SNTB1: variants seen among roughly 807,000 people sequenced by gnomAD.
SNTB1 encodes the protein syntrophin beta 1.
SNTB1 carries 36 observed loss-of-function variants against 48.9 expected under a neutral mutation model. The ratio of observed to expected loss-of-function variants is 0.74; its 90% CI spans 0.56 to 0.97. SNTB1 has a LOEUF of 0.97. Among genes scored for constraint, SNTB1 ranks in the 50% least tolerant of loss-of-function variants. The probability of loss-of-function intolerance (pLI) is 0.00; values close to 1 mark genes in which losing one functional copy is unlikely to be tolerated. For missense variants in SNTB1, 786 were observed against 703.4 expected (o/e 1.12, Z -1.33); for synonymous variants, 299 against 294.6 (o/e 1.01, Z -0.15).
intron 6 of SNTB1, among the ~76,000 whole-genome samples, chr8:120,539,295 ACAGTATGAAG>A (rs60286203): frequency 0.45 from 67,742 of 151,628 alleles, 17,529 homozygotes; most frequent in African/African-American, 0.73. Flanking sequence ...TGGATTTGAC[ACAGTATGAAG>A]CAGTACTAAA....
At chr8:120,748,169 T>C (rs1819157419) in intron 1 of SNTB1, among the ~76,000 whole-genome samples, 1 of 152,200 alleles carries the variant, frequency 6.6e-6, no homozygotes, top group Non-Finnish European at 1.5e-5. Flanking sequence ...TTAGTTTGAC[T>C]CTACTCAAAT....
At chr8:120,756,785 G>A (rs560861696) in intron 1 of SNTB1, among the ~76,000 whole-genome samples, 6 of 152,192 alleles carry the variant, frequency 3.9e-5, no homozygotes, top group South Asian at 2.1e-4. Context: ...AAAACTGGAG[G>A]TAGAAAACAA....
At chr8:120,676,885 G>A (rs567240978) in intron 2 of SNTB1, among the ~76,000 whole-genome samples, 5 of 151,898 alleles carry the variant, frequency 3.3e-5, no homozygotes, top group Non-Finnish European at 5.9e-5. Context: ...GTGAGACCCT[G>A]TCTCTACTAC....
At chr8:120,643,980 A>G (rs1370599260) in intron 2 of SNTB1, among the ~76,000 whole-genome samples, 4 of 152,198 alleles carry the variant, frequency 2.6e-5, no homozygotes, top group African/African-American at 9.6e-5. Flanking sequence ...CCACTAGGAT[A>G]CAAGGAAGAG....
rs138857801 is a variant in SNTB1 at position 120,588,776 on chromosome 8, T to C, written c.997-13551A>G. 3.5e-4 allele frequency among the ~76,000 whole-genome samples: 54 copies of C among 152,332 alleles called. 2 individuals are homozygous for C. The highest frequency in any genetic ancestry group is 1.2e-3 in the African/African-American group (50 of 41,578). On this transcript the variant is annotated intron_variant, in intron 3 of 6. Coordinates refer to ENST00000517992, the MANE Select transcript of SNTB1 (RefSeq NM_021021.4). ...TTCAAGGGTATTTCTCAAAATTTCA[T>C]TGGTAGATTATCTGCTTCAGAATGA... is the stretch of plus-strand genomic sequence containing the variant.
intron 3 of SNTB1, among the ~76,000 whole-genome samples, chr8:120,581,054 A>G (rs1471385416): frequency 6.9e-6 from 1 of 145,962 alleles, no homozygotes; most frequent in Non-Finnish European, 1.5e-5. Context: ...GCACCACAAC[A>G]CTCCAGCCTG....
intron 1 of SNTB1, among the ~76,000 whole-genome samples, chr8:120,784,003 G>T (rs539937817): frequency 7.0e-4 from 106 of 151,494 alleles, no homozygotes; most frequent in South Asian, 2.7e-3. Flanking sequence ...GTTTTGTTTT[G>T]TTTTTTTTGA....
intron 3 of SNTB1, among the ~76,000 whole-genome samples, chr8:120,627,409 T>C (rs1284730646): frequency 6.6e-6 from 1 of 152,222 alleles, no homozygotes; most frequent in Non-Finnish European, 1.5e-5. Context: ...GACCTGTTCT[T>C]TGAAATTTTA....
At chr8:120,603,020 C>G (rs1352300139) in intron 3 of SNTB1, among the ~76,000 whole-genome samples, 1 of 151,964 alleles carries the variant, frequency 6.6e-6, no homozygotes, top group African/African-American at 2.4e-5. Context: ...CAATTATTCT[C>G]AGTTATTTTT....
intron 3 of SNTB1, among the ~76,000 whole-genome samples, chr8:120,580,360 G>T (rs912422018): frequency 6.6e-6 from 1 of 152,154 alleles, no homozygotes; most frequent in African/African-American, 2.4e-5. Flanking sequence ...TTACTTAAGT[G>T]CTCTAAGCAC....
intron 2 of SNTB1, among the ~76,000 whole-genome samples, chr8:120,664,465 T>C (rs945744669): frequency 2.0e-5 from 3 of 152,252 alleles, no homozygotes; most frequent in Non-Finnish European, 4.4e-5. Flanking sequence ...CAGTCCTTTC[T>C]CCATTTCTCT....
intron 3 of SNTB1, among the ~76,000 whole-genome samples, chr8:120,607,492 G>C (rs1290429045): frequency 1.3e-5 from 2 of 151,950 alleles, no homozygotes; most frequent in Non-Finnish European, 2.9e-5. Flanking sequence ...TGCCATGTTG[G>C]TGTGCTGCAC....
At chr8:120,732,524 A>C (rs755450049) in intron 1 of SNTB1, among the ~76,000 whole-genome samples, 2 of 152,236 alleles carry the variant, frequency 1.3e-5, no homozygotes, top group African/African-American at 2.4e-5. Context: ...GAACAAAGAA[A>C]TATTCTATAA....
chr8:120,544,266 T>C (rs551165211), intron 5 of SNTB1, among the ~76,000 whole-genome samples: 1 of 152,310 alleles, frequency 6.6e-6, no homozygotes, highest in East Asian at 1.9e-4. Context: ...ATTTTTGGAG[T>C]ATCTGACCTC....
intron 1 of SNTB1, among the ~76,000 whole-genome samples, chr8:120,780,047 A>G (rs943023006): frequency 6.6e-6 from 1 of 151,836 alleles, no homozygotes; most frequent in African/African-American, 2.4e-5. Context: ...ACCTGATTAA[A>G]AGCCTATTGA....
chr8:120,700,450 T>G (rs757854134), intron 1 of SNTB1, among the ~76,000 whole-genome samples: 2 of 152,164 alleles, frequency 1.3e-5, no homozygotes, highest in Non-Finnish European at 2.9e-5. Flanking sequence ...TGAAACTGAT[T>G]TGAAGCAGCC....
intron 4 of SNTB1, among the ~76,000 whole-genome samples, chr8:120,555,852 G>A (rs1459534991): frequency 6.6e-6 from 1 of 152,046 alleles, no homozygotes; most frequent in Non-Finnish European, 1.5e-5. Flanking sequence ...TCCCCCTCCC[G>A]TGCACTCACA....
intron 3 of SNTB1, among the ~76,000 whole-genome samples, chr8:120,603,690 C>T (rs1816462912): frequency 6.6e-6 from 1 of 152,188 alleles, no homozygotes; most frequent in East Asian, 1.9e-4. Flanking sequence ...ACACTGTGCC[C>T]ATATGCTTTC....
intron 1 of SNTB1, among the ~76,000 whole-genome samples, chr8:120,729,361 G>A (rs1474708548): frequency 2.0e-5 from 3 of 152,104 alleles, no homozygotes; most frequent in African/African-American, 7.2e-5. Context: ...TTATTAACAG[G>A]TCTGTATGTG....
Sources: allele counts gnomAD v4.1 joint callset (sites outside exome capture counted in the v4.1 genomes callset), GRCh38; gene constraint gnomAD v4.1.1; transcripts MANE v1.5; gene names NCBI Gene and HGNC (gene_info 2026-07-23, HGNC 2026-07-21).